The following MTUS2 variants were observed in gnomAD, a reference collection of about 807,000 sequenced individuals.
MTUS2 encodes microtubule associated scaffold protein 2, also known as microtubule-associated tumor suppressor candidate 2.
MTUS2 carries 40 observed loss-of-function variants against 114.1 expected under a neutral mutation model. The observed-to-expected ratio is 0.35, with a 90% CI of 0.27 to 0.46. MTUS2 has a LOEUF of 0.46. Among genes scored for constraint, MTUS2 ranks in the 20% least tolerant of loss-of-function variants. MTUS2 has a pLI of 1.00. For synonymous variants in MTUS2, 688 were observed against 672.0 expected (o/e 1.02, Z -0.37); for missense variants, 1,679 against 1,705.4 (o/e 0.98, Z 0.27).
At chr13:29,298,025 T>C (rs968895931) in intron 6 of MTUS2, among the ~76,000 whole-genome samples, 1 of 152,292 alleles carries the variant, frequency 6.6e-6, no homozygotes, top group African/African-American at 2.4e-5. Context: ...AAATACAAAA[T>C]CTCTTCAGTG....
chr13:29,420,024 A>G (rs1875958669), intron 8 of MTUS2, among the ~76,000 whole-genome samples: 2 of 152,220 alleles, frequency 1.3e-5, no homozygotes, highest in Admixed American at 1.3e-4. Flanking sequence ...TACTGAAAAT[A>G]GAGTCATTAG....
At position 29,160,741 on chromosome 13, in the gene MTUS2, G is replaced by A. The variant is rs1004548619; in HGVS notation, c.2644+59771G>A. Among the ~76,000 whole-genome samples the A allele has an allele frequency of 5.3e-5, 8 of 150,566 alleles. No individual in the cohort carries two copies. The South Asian group carries it at 8.4e-4, about 16-fold the overall frequency. The stretch of plus-strand genomic sequence containing the variant: ...GCTGAGACTGGGCCACTGTACTCCA[G>A]CCTGGGTGACAGAGCGAGACTCCGT... On this transcript the variant is annotated intron_variant, in intron 5 of 15. Transcript: ENST00000612955.
intron 4 of MTUS2, among the ~76,000 whole-genome samples, chr13:29,077,110 G>C (rs2138713037): frequency 6.6e-6 from 1 of 152,248 alleles, no homozygotes; most frequent in Admixed American, 6.5e-5. Flanking sequence ...ATGCAGATCT[G>C]TAATACAGTT....
At chr13:28,935,264 T>C (rs945429954) in intron 2 of MTUS2, among the ~76,000 whole-genome samples, 1 of 152,286 alleles carries the variant, frequency 6.6e-6, no homozygotes. Flanking sequence ...GTTATGAACA[T>C]TTTTGTCCAT....
At chr13:29,297,162 A>T (rs1235987924) in intron 6 of MTUS2, among the ~76,000 whole-genome samples, 1 of 151,874 alleles carries the variant, frequency 6.6e-6, no homozygotes, top group Non-Finnish European at 1.5e-5. Flanking sequence ...CTGCATATGG[A>T]TGTATAGTTT....
rs1897753363 is a variant in MTUS2 at position 29,268,515 on chromosome 13, T to C, written c.2645-13189T>C. 2.6e-5 allele frequency among the ~76,000 whole-genome samples: 4 copies of C among 152,172 alleles called. No homozygotes were observed. In the South Asian group the frequency reaches 6.2e-4, roughly 24 times the overall value. On this transcript the variant is annotated intron_variant, in intron 5 of 15. Coordinates refer to ENST00000612955, the MANE Select transcript of MTUS2 (RefSeq NM_001033602.4). ...TGCTCTGCTTTCTCCTCCTCCTGTC[T>C]GTGGCAGCCATGCTCGTCCCTTTGC... is the stretch of plus-strand genomic sequence containing the variant.
chr13:29,414,648 T>A (rs1451012591), intron 8 of MTUS2, among the ~76,000 whole-genome samples: 1 of 151,922 alleles, frequency 6.6e-6, no homozygotes, highest in African/African-American at 2.4e-5. Flanking sequence ...AAATATATCT[T>A]ACGGTTGTTA....
rs74775292 is a variant in MTUS2, at chr13:28,889,390, A to G, written c.-243+49540A>G. On this transcript the variant is annotated intron_variant, in intron 2 of 15. Transcript: ENST00000612955. ...GTGCTCGTGTCACGCTTGCAGGTAC[A>G]TGTTCATTATTTCAGACTTTCTAAT... 8.4e-3 allele frequency among the ~76,000 whole-genome samples: 1,285 copies of G among 152,290 alleles called. 19 individuals carry two copies. The highest frequency in any genetic ancestry group is 0.035 in the East Asian group (180 of 5,188).
intron 4 of MTUS2, among the ~76,000 whole-genome samples, chr13:29,086,253 G>T (rs2475530): frequency 0.65 from 98,311 of 152,170 alleles, 32,862 homozygotes; most frequent in Non-Finnish European, 0.74. Context: ...CTATTGATAG[G>T]TTGTTTTGCT....
chr13:29,226,217 A>G (rs962314370), intron 5 of MTUS2, among the ~76,000 whole-genome samples: 1 of 152,228 alleles, frequency 6.6e-6, no homozygotes, highest in African/African-American at 2.4e-5. Context: ...AAGTTAAAAG[A>G]TACATGTTTA....
intron 2 of MTUS2, among the ~76,000 whole-genome samples, chr13:28,878,974 C>A (rs1385963095): frequency 6.6e-6 from 1 of 152,136 alleles, no homozygotes; most frequent in African/African-American, 2.4e-5. Flanking sequence ...TTTTTATTTG[C>A]AACCTCACCA....
At chr13:29,375,885 GGTACAAT>G (rs1233840920) in intron 8 of MTUS2, among the ~76,000 whole-genome samples, 2 of 151,244 alleles carry the variant, frequency 1.3e-5, no homozygotes, top group East Asian at 3.9e-4. Context: ...CTACATATTG[GGTACAAT>G]GTACACTACT....
At chr13:29,021,274 T>A (rs928915819) in intron 2 of MTUS2, among the ~76,000 whole-genome samples, 7 of 152,222 alleles carry the variant, frequency 4.6e-5, no homozygotes, top group African/African-American at 1.7e-4. Context: ...CTCAATTTTT[T>A]AAACAAATTT....
intron 5 of MTUS2, among the ~76,000 whole-genome samples, chr13:29,264,050 TA>T (rs1383033121): frequency 6.6e-6 from 1 of 151,986 alleles, no homozygotes; most frequent in Non-Finnish European, 1.5e-5. Flanking sequence ...GCCTGTAAAA[TA>T]AAAAACAAAT....
At chr13:29,332,195 G>A (rs905005318) in intron 7 of MTUS2, among the ~76,000 whole-genome samples, 16 of 152,144 alleles carry the variant, frequency 1.1e-4, no homozygotes, top group Non-Finnish European at 1.9e-4. Flanking sequence ...GTCCTGGGCC[G>A]TTTTTCGTTG....
At chr13:28,920,402 C>T (rs545193238) in intron 2 of MTUS2, among the ~76,000 whole-genome samples, 217 of 152,268 alleles carry the variant, frequency 1.4e-3, no homozygotes, top group African/African-American at 4.4e-3. Context: ...CCCTTACTTT[C>T]TCCCAAACAA....
chr13:28,978,342 G>C (rs1045512843), intron 2 of MTUS2, among the ~76,000 whole-genome samples: 3 of 152,182 alleles, frequency 2.0e-5, no homozygotes, highest in Non-Finnish European at 2.9e-5. Flanking sequence ...TGTAGAGACA[G>C]TTTTGATTAG....
At chr13:29,362,548 G>A (rs1031434486) in intron 8 of MTUS2, among the ~76,000 whole-genome samples, 3 of 152,012 alleles carry the variant, frequency 2.0e-5, no homozygotes, top group Non-Finnish European at 1.5e-5. Context: ...TTAGCCGAGT[G>A]TGGTGGCACG....
At position 28,933,789 on chromosome 13, in the gene MTUS2, A is replaced by G. The variant is rs1015051256; in HGVS notation, c.-242-90668A>G. 2.0e-5 allele frequency among the ~76,000 whole-genome samples: 3 copies of G among 152,196 alleles called. No individual in the cohort carries two copies. The East Asian group carries it at 5.8e-4, about 29-fold the overall frequency. On this transcript the variant is annotated intron_variant, in intron 2 of 15. Coordinates refer to ENST00000612955, the MANE Select transcript of MTUS2 (RefSeq NM_001033602.4). ...TAAGGTATTTAACTAAGGTCACACA[A>G]TTGTCCGTTCCAGAGACCTTACTAT...
Sources: gnomAD v4.1 joint callset for allele counts (sites outside exome capture counted in the v4.1 genomes callset) on GRCh38, gnomAD v4.1.1 for gene constraint, MANE v1.5 for transcripts, NCBI Gene and HGNC (gene_info 2026-07-23, HGNC 2026-07-21) for gene names.